The following PLXND1 variants were observed in gnomAD, a reference collection of about 807,000 sequenced individuals.
The protein encoded by PLXND1 is plexin-D1.
In PLXND1, 54 loss-of-function variants were observed where a neutral mutation model predicts 197.7. That is an observed-to-expected ratio of 0.27 (90% CI 0.22 to 0.34). PLXND1 has a LOEUF of 0.34. Among genes scored for constraint, PLXND1 ranks in the 10% least tolerant of loss-of-function variants. The pLI, the probability that PLXND1 is intolerant of heterozygous loss-of-function variation, is 1.00. For synonymous variants in PLXND1, 1,180 were observed against 1,161.2 expected, an observed-to-expected ratio of 1.02 and a Z score of -0.33; for missense variants, 2,127 against 2,699.2, an observed-to-expected ratio of 0.79 and a Z score of 4.70.
intron 1 of PLXND1, among the ~76,000 whole-genome samples, chr3:129,598,237 C>T (rs1220127638): frequency 2.0e-5 from 3 of 152,206 alleles, no homozygotes; most frequent in Non-Finnish European, 2.9e-5. Context: ...TCCCCAGCCC[C>T]ATCTGTCAAG....
Position 129,586,665 on chromosome 3 carries a change from A to T in PLXND1, c.1543T>A (p.Tyr515Asn), listed in dbSNP as rs372068141. The change falls in exon 3 of 36, where the codon TAT becomes AAT. Residue 515 changes from tyrosine (Y) to asparagine (N), a missense_variant. By Grantham distance (143) the Tyr-to-Asn change is moderately radical. Around this residue, in one of 6 missense-constraint regions of PLXND1, gnomAD observed 1,095 missense variants for 1,259.8 expected, o/e 0.87. Transcript: ENST00000324093. ...VVSRRVVTVA[Y>N]GEPVHHVMQF... ...ATGACATGGTGCACGGGCTCCCCAT[A>T]GGCCACAGTCACCACCCGCCTGCTC... 1 of 1,589,850 alleles carries T rather than the reference A, an allele frequency of 6.3e-7. No homozygotes were observed. Among genetic ancestry groups the T allele is most frequent in the Non-Finnish European group, 8.6e-7 (1 of 1,167,608 alleles).
Position 129,584,479 on chromosome 3 carries a change from A to G in PLXND1, c.1935T>C (p.Thr645=). 1 of 1,614,046 alleles carries G rather than the reference A, an allele frequency of 6.2e-7. No homozygotes were observed. Among genetic ancestry groups the G allele is most frequent in the Non-Finnish European group, 8.5e-7 (1 of 1,179,998 alleles). Residue 645 remains threonine (T), a synonymous_variant, in exon 6 of 36, where the codon ACT becomes ACC. Transcript: ENST00000324093. ...AGGCAGGGCCTGGGACCCGAGCCAC[A>G]GTGCGGATGTTGTTCCCATAGTCAC... ...MACDYGNNIR[T]VARVPGPAFG...
chr3:129,578,269 G>T, intron 9 of PLXND1, 60 bp downstream of exon 9: 1 of 1,026,376 alleles, frequency 9.7e-7, no homozygotes, highest in Non-Finnish European at 1.5e-6. Context: ...GCAGTTAGTG[G>T]CCTGCGTGCT....
At position 129,584,125 on chromosome 3, in the gene PLXND1, G is replaced by A. The variant is rs746887877; in HGVS notation, c.2138C>T (p.Ala713Val). ...SRTAQVYPHT[A>V]CTSCLSAQWP... ...GAGGCAAGCCACCCAAGCCACTCAC[G>A]CTGTGTGGGGGTACACTTGTGCAGT... Residue 713 changes from alanine (A) to valine (V), a missense_variant and splice_region_variant, in exon 7 of 36, where the codon GCC becomes GTC. Coordinates refer to ENST00000324093, the MANE Select transcript of PLXND1 (RefSeq NM_015103.3). The A allele has an allele frequency of 9.0e-6, 14 of 1,551,990 alleles. No homozygotes were observed. Among genetic ancestry groups the A allele is most frequent in the African/African-American group, 2.7e-5 (2 of 73,586 alleles).
Position 129,572,640 on chromosome 3 carries a change from C to T in PLXND1, c.3046G>A (p.Val1016Met), listed in dbSNP as rs775423315. ...LHVGSELQVL[V>M]NDTDPCTELM... is the part of the protein sequence containing the mutation. Reference sequence around the variant, plus strand: ...TCCGTGCAGGGGTCTGTGTCGTTCACCAGGACCTGGAGCTCGGAGCCTACA... The same window carrying T: ...TCCGTGCAGGGGTCTGTGTCGTTCATCAGGACCTGGAGCTCGGAGCCTACA... Residue 1016 changes from valine (V) to methionine (M), a missense_variant, in exon 15 of 36, where the codon GTG (valine) becomes ATG (methionine). Transcript: ENST00000324093. 1.9e-6 allele frequency: 3 copies of T among 1,595,294 alleles called. No individual in the cohort carries two copies. The East Asian group carries it at 6.7e-5, about 36-fold the overall frequency.
At chr3:129,585,252 C>T (rs2085442211) in intron 5 of PLXND1, among the ~76,000 whole-genome samples, 1 of 152,192 alleles carries the variant, frequency 6.6e-6, no homozygotes, top group Non-Finnish European at 1.5e-5. Flanking sequence ...TGAGCAGCTA[C>T]AGGCCAGAGC....
rs1039908176 is a variant in PLXND1, at chr3:129,557,812, T to C, written c.5446-589A>G. On this transcript the variant is annotated intron_variant, in intron 33 of 35. Transcript: ENST00000324093. The surrounding 1 kb of genome is among the most constrained non-coding windows in gnomAD (Gnocchi z 4.8). ...GGTCACACACGACCTGGACCAATCC[T>C]GCAGTGCCAGCTTTAATGATACAAT... Among the ~76,000 whole-genome samples the C allele has an allele frequency of 2.6e-5, 4 of 152,214 alleles. No individual in the cohort carries two copies. The highest frequency in any genetic ancestry group is 9.6e-5 in the African/African-American group (4 of 41,466).
chr3:129,598,601 C>A (rs543248642), intron 1 of PLXND1, among the ~76,000 whole-genome samples: 3 of 152,270 alleles, frequency 2.0e-5, no homozygotes, highest in African/African-American at 7.2e-5. Flanking sequence ...TGGGGCTGGG[C>A]AGCTCTGCAG....
At chr3:129,587,709 C>T (rs763661936) in intron 2 of PLXND1, among the ~76,000 whole-genome samples, 5 of 152,228 alleles carry the variant, frequency 3.3e-5, no homozygotes, top group African/African-American at 7.2e-5. Flanking sequence ...TGATCTAACC[C>T]GGACAACCCC....
chr3:129,592,263 A>G (rs2085555049), intron 1 of PLXND1, among the ~76,000 whole-genome samples: 1 of 152,234 alleles, frequency 6.6e-6, no homozygotes, highest in African/African-American at 2.4e-5. Flanking sequence ...ACCCCTCAGC[A>G]ATCCTGCAGC....
rs1235936815 is a variant in PLXND1 at position 129,558,711 on chromosome 3, G to A, written c.5298-136C>T. 33 of 867,124 alleles carry A rather than the reference G, an allele frequency of 3.8e-5. No homozygotes were observed. Among genetic ancestry groups the A allele is most frequent in the Non-Finnish European group, 5.5e-5 (31 of 567,498 alleles). 53.7% of individuals were successfully genotyped at this position (867,124 alleles called of 1,614,324 possible). On this transcript the variant is annotated intron_variant, in intron 32 of 35. Coordinates refer to ENST00000324093, the MANE Select transcript of PLXND1 (RefSeq NM_015103.3). This position sits in a 1 kb window ranked among gnomAD's most constrained non-coding sequence, Gnocchi z 4.1. ...CCTTGTCACAAGATGTGACCTTTGGGAACCTTAGTTTGCCTATCCCTGGCC... is the reference window on the plus strand; with the variant it reads ...CCTTGTCACAAGATGTGACCTTTGGAAACCTTAGTTTGCCTATCCCTGGCC...
Position 129,556,190 on chromosome 3 carries a change from G to A in PLXND1, c.*122C>T, listed in dbSNP as rs779434570. The A allele has an allele frequency of 3.6e-4, 274 of 759,024 alleles. No individual in the cohort carries two copies. Among genetic ancestry groups the A allele is most frequent in the Non-Finnish European group, 5.2e-4 (230 of 438,208 alleles). The allele number at this position is 759,024 out of a possible 1,614,324, so 47.0% of individuals were successfully genotyped here. ...GAGAGCAGCCCCTCCTCCTGCCCCC[G>A]CCCCAGCCGTCTCTGCTCAGTATTT... On this transcript the variant is annotated 3_prime_UTR_variant, in exon 36 of 36. Transcript: ENST00000324093.
intron 1 of PLXND1, among the ~76,000 whole-genome samples, chr3:129,599,274 G>C (rs552915920): frequency 1.3e-5 from 2 of 152,248 alleles, no homozygotes; most frequent in Non-Finnish European, 2.9e-5. Flanking sequence ...CCCGATGCGC[G>C]TGGCCCTTGC....
chr3:129,589,066 T>C (rs775220720), intron 2 of PLXND1, among the ~76,000 whole-genome samples: 101 of 152,138 alleles, frequency 6.6e-4, no homozygotes, highest in Admixed American at 1.4e-3. Flanking sequence ...ACATTTGAAC[T>C]CAGAGCCATA....
Position 129,574,485 on chromosome 3 carries a change from C to T in PLXND1, c.2536G>A (p.Val846Ile), listed in dbSNP as rs767057136. The stretch of plus-strand genomic sequence containing the variant: ...GGGCTGCCCATGGCACAGTTATAGA[C>T]CATGACTGGGGAGACACGGGGCAGC... Reference protein sequence around the residue: ...LDSPEPMTVMVYNCAMGSPDC... With the variant: ...LDSPEPMTVMIYNCAMGSPDC... Residue 846 changes from valine (V) to isoleucine (I), a missense_variant, in exon 12 of 36, where the codon GTC (valine) becomes ATC (isoleucine). Transcript: ENST00000324093. 5 of 1,612,496 alleles carry T rather than the reference C, an allele frequency of 3.1e-6. No homozygotes were observed. Among genetic ancestry groups the T allele is most frequent in the Non-Finnish European group, 4.2e-6 (5 of 1,179,648 alleles).
chr3:129,562,108 A>G (rs1240997546), intron 27 of PLXND1, among the ~76,000 whole-genome samples: 4 of 152,060 alleles, frequency 2.6e-5, no homozygotes, highest in Non-Finnish European at 5.9e-5. Flanking sequence ...GTACAAAGAG[A>G]AGGTGCCAGG....
rs200779980 is a variant in PLXND1, at chr3:129,575,530, C to G, written c.2469G>C (p.Pro823=). 1 of 1,557,494 alleles carries G rather than the reference C, an allele frequency of 6.4e-7. No individual in the cohort carries two copies. Among genetic ancestry groups the G allele is most frequent in the Non-Finnish European group, 8.7e-7 (1 of 1,150,086 alleles). The part of the protein sequence containing the change: ...LHTTRKSQVF[P]LSLQLKGRPA... Reference sequence around the variant, plus strand: ...GCCGCCCCTTTAGTTGGAGGCTGAGCGGGAACACCTGGCTCTTCCGGGTCG... The same window carrying G: ...GCCGCCCCTTTAGTTGGAGGCTGAGGGGGAACACCTGGCTCTTCCGGGTCG... Residue 823 remains proline, a synonymous_variant, in exon 11 of 36, where the codon CCG becomes CCC. Coordinates refer to ENST00000324093, the MANE Select transcript of PLXND1 (RefSeq NM_015103.3).
In PLXND1 at chr3:129,571,596, G is replaced by A. The variant is rs768074075; in HGVS notation, c.3249C>T (p.Gly1083=). 2.5e-5 allele frequency: 40 copies of A among 1,613,792 alleles called. No individual in the cohort carries two copies. In the Admixed American group the frequency reaches 4.2e-4, roughly 17 times the overall value. ...CACCAGCCACTGTGATGGTCCTGCC[G>A]CCACTGCGGGGGACAGCAAAACCTA... The part of the protein sequence containing the change: ...AISPRRSPVS[G]GRTITVAGER... The change falls in exon 17 of 36, where the codon GGC becomes GGT. Residue 1083 remains glycine, a synonymous_variant. Transcript: ENST00000324093.
chr3:129,572,557 A>G (rs1287534488), intron 15 of PLXND1, 52 bp downstream of exon 15: 6 of 1,428,694 alleles, frequency 4.2e-6, no homozygotes, highest in South Asian at 1.6e-5. Context: ...CCAGCCCCCA[A>G]GCCCATTGAT....
Sources: allele counts gnomAD v4.1 joint callset (sites outside exome capture counted in the v4.1 genomes callset), GRCh38; gene constraint gnomAD v4.1.1; regional missense constraint gnomAD v4.1.1; non-coding constraint Gnocchi (gnomAD v3.1); transcripts MANE v1.5; gene names NCBI Gene and HGNC (gene_info 2026-07-23, HGNC 2026-07-21).